Variants in TOM1L1 observed in about 807,000 individuals in gnomAD.
TOM1L1 encodes target of myb1 like 1 membrane trafficking protein.
In TOM1L1, 64 loss-of-function variants were observed where a neutral mutation model predicts 63.4. That is an observed-to-expected ratio of 1.01 (90% CI 0.83 to 1.24). TOM1L1 has a LOEUF of 1.24. Among genes scored for constraint, TOM1L1 ranks in the 50% most tolerant of loss-of-function variants. The pLI is 0.00. For synonymous variants in TOM1L1, 166 were observed against 194.4 expected (o/e 0.85, Z 1.22); for missense variants, 536 against 567.0 (o/e 0.95, Z 0.55).
At position 54,913,966 on chromosome 17, in the gene TOM1L1, T is replaced by G. The variant is rs1460414750; in HGVS notation, c.498+93T>G. On this transcript the variant is annotated intron_variant, in intron 5 of 15. Coordinates refer to ENST00000575882, the MANE Select transcript of TOM1L1 (RefSeq NM_005486.3). The stretch of plus-strand genomic sequence containing the variant: ...GAGACAACCCTAAATCCACCCAGCT[T>G]AAGCAAAAAGATGAAGTTATTAGAA... 2.9e-6 allele frequency: 4 copies of G among 1,390,484 alleles called. No individual in the cohort carries two copies. In the East Asian group the frequency reaches 1.1e-4, roughly 38 times the overall value. 86.1% of individuals were successfully genotyped at this position (1,390,484 alleles called of 1,614,324 possible).
At chr17:54,934,820 C>T (rs1288973733) in intron 8 of TOM1L1, among the ~76,000 whole-genome samples, 2 of 151,838 alleles carry the variant, frequency 1.3e-5, no homozygotes, top group East Asian at 1.9e-4. Context: ...CAGGTTCAAG[C>T]GATTCTTCTG....
intron 11 of TOM1L1, among the ~76,000 whole-genome samples, chr17:54,943,479 T>A (rs1019921510): frequency 5.3e-5 from 8 of 150,206 alleles, no homozygotes; most frequent in Admixed American, 2.0e-4. Context: ...TGTGTGTGTG[T>A]GAAATAAAGT....
intron 15 of TOM1L1, 82 bp from the exon 16 acceptor site, chr17:54,961,153 C>G (rs2077113145): frequency 1.0e-6 from 1 of 978,062 alleles, no homozygotes; most frequent in African/African-American, 1.6e-5. Context: ...TCCAGCTTCC[C>G]AGTAAAGACA....
chr17:54,937,898 C>G (rs1188935865), intron 10 of TOM1L1: 1 of 152,084 alleles, frequency 6.6e-6, no homozygotes, highest in Non-Finnish European at 1.5e-5. Context: ...TGTCCTTATT[C>G]CCAGCAAGGG....
chr17:54,961,053 C>T (rs1396806193), intron 15 of TOM1L1, 182 bp from the exon 16 acceptor site: 1 of 606,754 alleles, frequency 1.6e-6, no homozygotes, highest in Non-Finnish European at 2.9e-6. Context: ...TTAATGGTCA[C>T]CAATGAACTA....
chr17:54,951,681 G>A (rs188962470), intron 14 of TOM1L1, among the ~76,000 whole-genome samples: 5 of 152,128 alleles, frequency 3.3e-5, no homozygotes, highest in East Asian at 1.9e-4. Context: ...CTGAAAACTC[G>A]GATATTTGAA....
intron 7 of TOM1L1, among the ~76,000 whole-genome samples, chr17:54,919,710 T>A (rs1413670285): frequency 6.6e-6 from 1 of 152,232 alleles, no homozygotes; most frequent in Non-Finnish European, 1.5e-5. Flanking sequence ...GACTGTTGAA[T>A]GTGGAATGTT....
intron 11 of TOM1L1, among the ~76,000 whole-genome samples, chr17:54,942,791 C>A (rs7220030): frequency 0.038 from 5,797 of 152,150 alleles, 397 homozygotes; most frequent in African/African-American, 0.13. Flanking sequence ...AGAATAGTTC[C>A]GTCACTCAGC....
At chr17:54,933,489 A>G (rs757054964) in intron 8 of TOM1L1, among the ~76,000 whole-genome samples, 1 of 152,188 alleles carries the variant, frequency 6.6e-6, no homozygotes, top group African/African-American at 2.4e-5. Flanking sequence ...TCCTGACAAC[A>G]TGCGCCCAAG....
chr17:54,926,141 A>G (rs2048765564), intron 7 of TOM1L1, among the ~76,000 whole-genome samples: 1 of 152,026 alleles, frequency 6.6e-6, no homozygotes, highest in African/African-American at 2.4e-5. Flanking sequence ...TCTTTGTTAG[A>G]CTCTTAGGCA....
At chr17:54,900,996 G>C (rs2143703193) in intron 1 of TOM1L1, 73 bp downstream of exon 1, 1 of 1,597,716 alleles carries the variant, frequency 6.3e-7, no homozygotes, top group Non-Finnish European at 8.6e-7. Context: ...ATCCATTCTC[G>C]GCCTGCAGAG....
intron 4 of TOM1L1, 38 bp from the exon 5 acceptor site, chr17:54,913,710 G>GTTTT (rs1020627197): frequency 6.5e-7 from 1 of 1,537,934 alleles, no homozygotes; most frequent in African/African-American, 1.4e-5. Context: ...TTTTGTTGCT[G>GTTTT]TTTTAACTCT....
chr17:54,939,414 A>G (rs1375510045), intron 11 of TOM1L1, among the ~76,000 whole-genome samples: 1 of 140,292 alleles, frequency 7.1e-6, no homozygotes, highest in Non-Finnish European at 1.5e-5. Context: ...GGGGAAGAAC[A>G]GGGGAAATAC....
intron 12 of TOM1L1, 65 bp downstream of exon 12, chr17:54,947,377 C>T (rs374919975): frequency 1.3e-6 from 2 of 1,522,288 alleles, no homozygotes; most frequent in Non-Finnish European, 1.8e-6. Context: ...CAGAAAAGAA[C>T]TCATGGTCAT....
intron 12 of TOM1L1, 118 bp from the exon 13 acceptor site, chr17:54,949,400 T>G: frequency 2.9e-6 from 2 of 691,526 alleles, no homozygotes; most frequent in Admixed American, 5.6e-5. Flanking sequence ...TAAAAACAAC[T>G]TATTCTTGTC....
intron 11 of TOM1L1, among the ~76,000 whole-genome samples, chr17:54,947,055 A>G (rs1373170461): frequency 6.6e-6 from 1 of 152,152 alleles, no homozygotes; most frequent in African/African-American, 2.4e-5. Flanking sequence ...TGCACACTCC[A>G]CAGTCTCAGG....
At chr17:54,950,276 G>A in intron 14 of TOM1L1, 150 bp downstream of exon 14, 1 of 594,862 alleles carries the variant, frequency 1.7e-6, no homozygotes, top group Non-Finnish European at 2.9e-6. Context: ...TTTTATGGCA[G>A]CTGTTACTCT....
intron 3 of TOM1L1, among the ~76,000 whole-genome samples, chr17:54,909,332 G>T (rs1380237345): frequency 1.3e-5 from 2 of 152,304 alleles, no homozygotes; most frequent in South Asian, 4.1e-4. Flanking sequence ...GGAGTGAGAA[G>T]ACTGAGGCCT....
chr17:54,903,847 C>T, intron 2 of TOM1L1, 55 bp downstream of exon 2: 1 of 1,478,120 alleles, frequency 6.8e-7, no homozygotes, highest in Non-Finnish European at 9.4e-7. Context: ...ATCAGAACTA[C>T]AGCACGTTTT....
Sources: gnomAD v4.1 joint callset for allele counts (sites outside exome capture counted in the v4.1 genomes callset) on GRCh38, gnomAD v4.1.1 for gene constraint, MANE v1.5 for transcripts, NCBI Gene and HGNC (gene_info 2026-07-23, HGNC 2026-07-21) for gene names.